VRTN: variants seen among roughly 807,000 people sequenced by gnomAD.
The protein encoded by VRTN is vertnin.
In VRTN, 5 loss-of-function variants were observed where a neutral mutation model predicts 18.2. That is an observed-to-expected ratio of 0.27 (90% CI 0.14 to 0.58). The LOEUF (loss-of-function observed/expected upper bound fraction) is 0.58, where lower values mean the gene tolerates loss of function less well. Ranked by LOEUF, VRTN falls within the 20% of genes least tolerant of loss-of-function variation. The pLI, the probability that VRTN is intolerant of heterozygous loss-of-function variation, is 0.91. For missense variants in VRTN, 741 were observed against 939.4 expected (o/e 0.79, Z 2.76); for synonymous variants, 381 against 393.7 (o/e 0.97, Z 0.38).
chr14:74,308,230 C>T (rs1162961184), intron 1 of VRTN, among the ~76,000 whole-genome samples: 3 of 152,122 alleles, frequency 2.0e-5, no homozygotes, highest in African/African-American at 7.2e-5. Context: ...GCCTGGGCAA[C>T]ATAGCTAGAC....
At chr14:74,322,175 TCTCA>T (rs1220585343) in intron 1 of VRTN, among the ~76,000 whole-genome samples, 3 of 150,166 alleles carry the variant, frequency 2.0e-5, no homozygotes, top group Non-Finnish European at 4.4e-5. Flanking sequence ...TGAGACAGGG[TCTCA>T]CTCTGTTGCC....
intron 1 of VRTN, among the ~76,000 whole-genome samples, chr14:74,331,504 G>A (rs1323945610): frequency 1.5e-5 from 2 of 132,962 alleles, no homozygotes; most frequent in African/African-American, 2.7e-5. Context: ...ACTCCAGCCT[G>A]GGCAACAAGA....
intron 1 of VRTN, among the ~76,000 whole-genome samples, chr14:74,306,738 G>A (rs761873336): frequency 1.3e-5 from 2 of 151,416 alleles, no homozygotes; most frequent in Non-Finnish European, 2.9e-5. Context: ...GGGGCTACAG[G>A]TATGCGCCAA....
At chr14:74,314,203 C>T (rs193185835) in intron 1 of VRTN, among the ~76,000 whole-genome samples, 6 of 152,032 alleles carry the variant, frequency 3.9e-5, no homozygotes, top group African/African-American at 1.4e-4. Flanking sequence ...GTGATCATGG[C>T]TCATTGCAGC....
At chr14:74,348,393 T>G (rs896848088), upstream of VRTN, 6 of 152,256 alleles carry the variant, frequency 3.9e-5, no homozygotes, top group African/African-American at 1.4e-4. Flanking sequence ...GAATTTGCAC[T>G]TCTTTCATCT....
In VRTN at chr14:74,353,877, C is replaced by T. The variant is rs147067659; in HGVS notation, c.-1-2906C>T. ...AGCTGGGACTAGAGGCGCCCGCCAG[C>T]GTGCCCGGCTAATTTTTTGTATTTT... On this transcript the variant is annotated intron_variant, in intron 1 of 1. Coordinates refer to ENST00000256362, the MANE Select transcript of VRTN (RefSeq NM_018228.3). Among the ~76,000 whole-genome samples, 430 of 152,160 alleles carry T rather than the reference C, an allele frequency of 2.8e-3. 2 individuals carry two copies. The highest frequency in any genetic ancestry group is 1.0e-2 in the African/African-American group (415 of 41,530).
At chr14:74,336,620 A>T (rs1418779881) in intron 1 of VRTN, among the ~76,000 whole-genome samples, 1 of 152,168 alleles carries the variant, frequency 6.6e-6, no homozygotes, top group Non-Finnish European at 1.5e-5. Flanking sequence ...GTTAGTTCCC[A>T]TAGATCTATT....
In VRTN at chr14:74,358,933, T is replaced by C. The variant is rs2085759982; in HGVS notation, c.*41T>C. On this transcript the variant is annotated 3_prime_UTR_variant, in exon 2 of 2. Transcript: ENST00000256362. This position sits in a 1 kb window ranked among gnomAD's most constrained non-coding sequence, Gnocchi z 5.4. The stretch of plus-strand genomic sequence containing the variant: ...GGGGCTGGGAAGAAGGGGGACCAGT[T>C]TGGAGAGGGTCAGGGACCTGAGCTG... 1 of 1,568,902 alleles carries C rather than the reference T, an allele frequency of 6.4e-7. No individual in the cohort carries two copies. The highest frequency in any genetic ancestry group is 8.6e-7 in the Non-Finnish European group (1 of 1,157,288).
chr14:74,305,330 CAAAAAA>C (rs71115979), intron 1 of VRTN: 43,104 of 122,634 alleles, frequency 0.35, 6,809 homozygotes, highest in Middle Eastern at 0.6. Context: ...GAGACTGTTT[CAAAAAA>C]AAAAAAAAAA....
At chr14:74,311,917 C>T (rs148337694) in intron 1 of VRTN, among the ~76,000 whole-genome samples, 1 of 151,544 alleles carries the variant, frequency 6.6e-6, no homozygotes, top group African/African-American at 2.4e-5. Flanking sequence ...TACAGGCATC[C>T]GCCACCATGC....
In VRTN at chr14:74,310,533, GT is replaced by G. The variant is rs71449187; in HGVS notation, c.-164+7378del. ...GTGACCTTGGGGGCATGCTGCCTCT[GT>G]TTTTTTTTTTTTTTTTTTTTAAACA... On this transcript the variant is annotated intron_variant, in intron 1 of 2. Transcript: ENST00000557177. Among the ~76,000 whole-genome samples, 929 of 124,046 alleles carry G rather than the reference GT, an allele frequency of 7.5e-3. 14 individuals carry two copies. Among genetic ancestry groups the G allele is most frequent in the East Asian group, 0.062 (261 of 4,182 alleles). 81.4% of individuals were successfully genotyped at this position (124,046 alleles called of 152,430 possible). A position where few individuals can be genotyped will look rare whatever the true frequency, so the allele number is the denominator to read the frequency against.
intron 1 of VRTN, among the ~76,000 whole-genome samples, chr14:74,323,986 C>T (rs753175061): frequency 6.6e-6 from 1 of 152,166 alleles, no homozygotes; most frequent in Non-Finnish European, 1.5e-5. Flanking sequence ...CTTCAGTCTA[C>T]TTATCTGTAA....
chr14:74,355,016 C>T (rs1427993857), intron 1 of VRTN, among the ~76,000 whole-genome samples: 2 of 151,846 alleles, frequency 1.3e-5, no homozygotes, highest in African/African-American at 2.4e-5. Flanking sequence ...GTGGCATGCG[C>T]CTGTAATCCC....
At position 74,340,269 on chromosome 14, in the gene VRTN, C is replaced by T. The variant is rs148073014; in HGVS notation, c.-2+2385C>T. 5.5e-3 allele frequency among the ~76,000 whole-genome samples: 845 copies of T among 152,274 alleles called. 3 individuals carry two copies. The highest frequency in any genetic ancestry group is 8.1e-3 in the Non-Finnish European group (553 of 68,020). On this transcript the variant is annotated intron_variant, in intron 2 of 2. Transcript: ENST00000557177. ...CTGGGATTATAGGCATGTGCCACCA[C>T]GCCCGGCTAATTTTGTATTTTTAGT... is the stretch of plus-strand genomic sequence containing the variant.
In VRTN at chr14:74,308,109, A is replaced by C. The variant is rs1246002510; in HGVS notation, c.-164+4933A>C. On this transcript the variant is annotated intron_variant, in intron 1 of 2. Transcript: ENST00000557177. ...TTTTTATTTTATTTTTTTCTTTTCT[A>C]GGTTTTTAAAAAATTCACAATCCAC... is the stretch of plus-strand genomic sequence containing the variant. 3.9e-5 allele frequency among the ~76,000 whole-genome samples: 6 copies of C among 152,074 alleles called. No homozygotes were observed. The South Asian group carries it at 1.2e-3, about 32-fold the overall frequency.
intron 2 of VRTN, among the ~76,000 whole-genome samples, chr14:74,340,594 G>C (rs1195897912): frequency 2.0e-5 from 3 of 152,166 alleles, no homozygotes; most frequent in Non-Finnish European, 4.4e-5. Context: ...CTAGAGTTCA[G>C]TCTGTAGACA....
Position 74,309,938 on chromosome 14 carries a change from A to G in VRTN, c.-164+6762A>G, listed in dbSNP as rs547870247. Among the ~76,000 whole-genome samples, 9 of 152,286 alleles carry G rather than the reference A, an allele frequency of 5.9e-5. No homozygotes were observed. In the East Asian group the frequency reaches 1.3e-3, roughly 23 times the overall value. The stretch of plus-strand genomic sequence containing the variant: ...CATTTCCAGGAATTCTCTTATAAAT[A>G]TATTTACCCAAAAGCACAAAGGACA... On this transcript the variant is annotated intron_variant, in intron 1 of 2. Transcript: ENST00000557177.
In VRTN at chr14:74,359,118, T is replaced by G; in HGVS notation, c.*226T>G. The G allele has an allele frequency of 1.2e-6, 1 of 828,570 alleles. No individual in the cohort carries two copies. Among genetic ancestry groups the G allele is most frequent in the African/African-American group, 1.7e-5 (1 of 57,702 alleles). 51.3% of individuals were successfully genotyped at this position (828,570 alleles called of 1,614,324 possible). On this transcript the variant is annotated 3_prime_UTR_variant, in exon 2 of 2. Coordinates refer to ENST00000256362, the MANE Select transcript of VRTN (RefSeq NM_018228.3). ...ACTGTGGGACCAGAGATATCCTCTT[T>G]CGTTGTTTGCTGGTCATATTTTTAC...
chr14:74,318,840 A>T (rs1447612352), intron 1 of VRTN, among the ~76,000 whole-genome samples: 1 of 151,394 alleles, frequency 6.6e-6, no homozygotes, highest in Non-Finnish European at 1.5e-5. Flanking sequence ...CAGCCTCTCA[A>T]GTAGCTGGGG....
Sources: allele counts gnomAD v4.1 joint callset (sites outside exome capture counted in the v4.1 genomes callset), GRCh38; gene constraint gnomAD v4.1.1; non-coding constraint Gnocchi (gnomAD v3.1); transcripts MANE v1.5; gene names NCBI Gene and HGNC (gene_info 2026-07-23, HGNC 2026-07-21).